PCDH11X: variants seen among roughly 807,000 people sequenced by gnomAD.
The protein encoded by PCDH11X is protocadherin-11 X-linked.
A neutral mutation model predicts 53.3 loss-of-function variants in PCDH11X; 18 were observed. The observed-to-expected ratio is 0.34, with a 90% CI of 0.23 to 0.50. PCDH11X has a LOEUF of 0.50. PCDH11X is among the 20% of genes least tolerant of loss of function. The pLI, the probability that PCDH11X is intolerant of heterozygous loss-of-function variation, is 0.98. For synonymous variants in PCDH11X, 279 were observed against 393.3 expected (o/e 0.71, Z 3.44); for missense variants, 570 against 1,032.4 (o/e 0.55, Z 6.14).
At position 92,528,694 on chromosome X, in the gene PCDH11X, A is replaced by T. The variant is rs1376534600; in HGVS notation, c.3367+60372A>T. ...TGTTATTATATTTCTCTATATTTTA[A>T]TAAGAATTCAAATTATTATGTCAAA... On this transcript the variant is annotated intron_variant, in intron 10 of 10. Coordinates refer to ENST00000682573, the MANE Select transcript of PCDH11X (RefSeq NM_032968.5). Among the ~76,000 whole-genome samples, 3 of 111,692 alleles carry T rather than the reference A, an allele frequency of 2.7e-5. No individual in the cohort carries two copies. The East Asian group carries it at 8.4e-4, about 31-fold the overall frequency.
chrX:92,163,623 G>A (rs971622766), intron 6 of PCDH11X, among the ~76,000 whole-genome samples: 8 of 111,601 alleles, frequency 7.2e-5, no homozygotes, highest in Admixed American at 4.8e-4. Context: ...CAGTGAGGGC[G>A]TGTGTTTGGG....
intron 6 of PCDH11X, among the ~76,000 whole-genome samples, chrX:92,012,367 C>T (rs2525238): frequency 0.02 from 2,140 of 109,657 alleles, 46 homozygotes; most frequent in African/African-American, 0.063. Context: ...TTATCCCATA[C>T]GTAAAATTAT....
intron 6 of PCDH11X, among the ~76,000 whole-genome samples, chrX:91,922,014 T>TTAGTA (rs1214938808): frequency 3.6e-5 from 4 of 111,144 alleles, no homozygotes; most frequent in African/African-American, 1.3e-4. Context: ...GTATTTGGCA[T>TTAGTA]TACATATGCA....
intron 10 of PCDH11X, among the ~76,000 whole-genome samples, chrX:92,469,735 G>A (rs1282224365): frequency 9.0e-6 from 1 of 110,929 alleles, no homozygotes; most frequent in African/African-American, 3.3e-5. Flanking sequence ...TTTATTTCTG[G>A]GTTTTCTATT....
rs752002248 is a variant in PCDH11X, at chrX:92,227,916, A to G, written c.3114+26461A>G. Among the ~76,000 whole-genome samples, 6 of 103,834 alleles carry G rather than the reference A, an allele frequency of 5.8e-5. No homozygotes were observed. In the East Asian group the frequency reaches 1.8e-3, roughly 32 times the overall value. The allele number at this position is 103,834 out of a possible 115,157, so 90.2% of individuals were successfully genotyped here. On this transcript the variant is annotated intron_variant, in intron 7 of 10. Transcript: ENST00000682573. ...TTTTATGAAAAAGACTATATCTTTG[A>G]AAGTGAAACATGTATGCATTAAGTA...
intron 6 of PCDH11X, among the ~76,000 whole-genome samples, chrX:91,970,968 G>A (rs1046844463): frequency 1.8e-5 from 2 of 111,105 alleles, no homozygotes; most frequent in Non-Finnish European, 3.8e-5. Flanking sequence ...ATAGCGTCAT[G>A]CAGATGCTAC....
intron 6 of PCDH11X, among the ~76,000 whole-genome samples, chrX:91,999,270 G>A (rs1245236491): frequency 9.0e-6 from 1 of 111,478 alleles, no homozygotes. Flanking sequence ...TAACTGGTAT[G>A]TTGGCAACAA....
intron 6 of PCDH11X, among the ~76,000 whole-genome samples, chrX:92,072,184 ATGGCAATGGACTCCCTC>A (rs2063711859): frequency 9.1e-6 from 1 of 109,962 alleles, no homozygotes; most frequent in Non-Finnish European, 1.9e-5. Flanking sequence ...CTCACCCTTT[ATGGCAATGGACTCCCTC>A]TGGCCAAGGG....
At chrX:92,111,951 G>A (rs1462473589) in intron 6 of PCDH11X, among the ~76,000 whole-genome samples, 20 of 108,653 alleles carry the variant, frequency 1.8e-4, no homozygotes, top group Non-Finnish European at 5.7e-5. Context: ...TAGAGACGGG[G>A]TTTCACCTTG....
chrX:92,248,628 A>G (rs1161023855), intron 7 of PCDH11X, among the ~76,000 whole-genome samples: 1 of 111,767 alleles, frequency 8.9e-6, no homozygotes, highest in Non-Finnish European at 1.9e-5. Context: ...ATAAATTATT[A>G]TTAACTATAG....
intron 10 of PCDH11X, among the ~76,000 whole-genome samples, chrX:92,520,712 G>A (rs764371670): frequency 1.8e-5 from 2 of 110,655 alleles, no homozygotes; most frequent in African/African-American, 6.6e-5. Context: ...CTGTTTGATA[G>A]CATTTTACCC....
intron 1 of PCDH11X, among the ~76,000 whole-genome samples, chrX:91,806,629 T>C (rs1255290189): frequency 2.7e-5 from 3 of 112,703 alleles, no homozygotes; most frequent in African/African-American, 9.7e-5. Flanking sequence ...GTATGCAAGT[T>C]ACAATTTGAG....
At chrX:92,234,301 A>C (rs1222103589) in intron 7 of PCDH11X, among the ~76,000 whole-genome samples, 1 of 111,898 alleles carries the variant, frequency 8.9e-6, no homozygotes, top group Non-Finnish European at 1.9e-5. Context: ...AATTATAGTG[A>C]TAGCTACAAG....
intron 5 of PCDH11X, among the ~76,000 whole-genome samples, chrX:91,868,347 G>T (rs1479703949): frequency 9.0e-6 from 1 of 111,654 alleles, no homozygotes; most frequent in Non-Finnish European, 1.9e-5. Context: ...TTATTATGAC[G>T]TCCATTTAAT....
intron 6 of PCDH11X, among the ~76,000 whole-genome samples, chrX:91,997,397 A>C (rs1238600168): frequency 9.0e-6 from 1 of 111,425 alleles, no homozygotes; most frequent in Non-Finnish European, 1.9e-5. Flanking sequence ...TGTTCCTTCT[A>C]TATCTAATTT....
At chrX:91,823,449 G>A (rs373292563) in intron 4 of PCDH11X, among the ~76,000 whole-genome samples, 6 of 110,809 alleles carry the variant, frequency 5.4e-5, no homozygotes, top group Non-Finnish European at 9.4e-5. Flanking sequence ...TGTCTCTTTT[G>A]ATCTTTGTTG....
intron 9 of PCDH11X, among the ~76,000 whole-genome samples, chrX:92,420,359 G>A (rs1238712014): frequency 9.0e-6 from 1 of 111,174 alleles, no homozygotes; most frequent in Non-Finnish European, 1.9e-5. Flanking sequence ...TTTCCTACAG[G>A]CCTTCAAATC....
At chrX:92,573,622 G>A (rs1243764707) in intron 10 of PCDH11X, among the ~76,000 whole-genome samples, 1 of 110,298 alleles carries the variant, frequency 9.1e-6, no homozygotes, top group East Asian at 2.8e-4. Flanking sequence ...TAATTACATA[G>A]ACACTTCCAT....
chrX:92,240,458 G>T (rs924957782), intron 7 of PCDH11X, among the ~76,000 whole-genome samples: 15 of 111,368 alleles, frequency 1.3e-4, no homozygotes, highest in African/African-American at 3.9e-4. Flanking sequence ...AAGTTAATCG[G>T]CCTTTATGTC....
Sources: gnomAD v4.1 joint callset for allele counts (sites outside exome capture counted in the v4.1 genomes callset) on GRCh38, gnomAD v4.1.1 for gene constraint, MANE v1.5 for transcripts, NCBI Gene and HGNC (gene_info 2026-07-23, HGNC 2026-07-21) for gene names.